DCTN6: variants seen among roughly 807,000 people sequenced by gnomAD.
DCTN6 encodes the protein dynactin subunit 6, also known as dynactin 6.
Under a neutral mutation model 25.8 loss-of-function variants are expected in DCTN6, and 15 were observed. The observed-to-expected ratio is 0.58, with a 90% confidence interval of 0.39 to 0.89. DCTN6 has a LOEUF of 0.89. Among genes scored for constraint, DCTN6 ranks in the 40% least tolerant of loss-of-function variants. DCTN6 has a pLI of 0.00. For missense variants in DCTN6, 198 were observed against 237.6 expected (o/e 0.83, Z 1.09); for synonymous variants, 64 against 78.3 (o/e 0.82, Z 0.96).
chr8:30,163,560 T>C (rs976068686), intron 1 of DCTN6, among the ~76,000 whole-genome samples: 26 of 152,220 alleles, frequency 1.7e-4, no homozygotes, highest in African/African-American at 2.7e-4. Flanking sequence ...AGAAACGTGC[T>C]GCTATTAAAA....
intron 5 of DCTN6, 31 bp from the exon 6 acceptor site, chr8:30,180,457 A>G (rs1803896523): frequency 6.3e-7 from 1 of 1,599,950 alleles, no homozygotes; most frequent in Non-Finnish European, 8.5e-7. Flanking sequence ...TGATGTCTTA[A>G]GTTGCAGTTC....
chr8:30,172,908 T>TA (rs1237702061), intron 2 of DCTN6, among the ~76,000 whole-genome samples: 8 of 152,208 alleles, frequency 5.3e-5, no homozygotes, highest in African/African-American at 1.9e-4. Context: ...TGCATATATA[T>TA]TTTTTGTTTG....
At chr8:30,177,664 C>T (rs1209975257) in intron 4 of DCTN6, among the ~76,000 whole-genome samples, 1 of 151,978 alleles carries the variant, frequency 6.6e-6, no homozygotes, top group East Asian at 1.9e-4. Flanking sequence ...TTGCAGTGAG[C>T]CAAGATTGTG....
intron 6 of DCTN6, among the ~76,000 whole-genome samples, chr8:30,181,239 A>G (rs971945624): frequency 6.6e-6 from 1 of 152,216 alleles, no homozygotes; most frequent in Non-Finnish European, 1.5e-5. Flanking sequence ...GACAATGCAT[A>G]AACAAACTGT....
intron 4 of DCTN6, among the ~76,000 whole-genome samples, chr8:30,178,471 A>T (rs1455397527): frequency 4.8e-5 from 5 of 103,766 alleles, no homozygotes; most frequent in South Asian, 7.1e-4. Context: ...CAAAAAGATT[A>T]AAAAAAAAAA....
Position 30,156,369 on chromosome 8 carries a change from A to C in DCTN6, c.-15A>C, listed in dbSNP as rs1803524723. Reference sequence around the variant, plus strand: ...AGGCGGTGGTGTCGATCTACGTTCCAATTGGGGCCGTACCATGGCGGAGAA... The same window carrying C: ...AGGCGGTGGTGTCGATCTACGTTCCCATTGGGGCCGTACCATGGCGGAGAA... On this transcript the variant is annotated 5_prime_UTR_variant, in exon 1 of 7. Transcript: ENST00000221114. 1 of 1,602,156 alleles carries C rather than the reference A, an allele frequency of 6.2e-7. No individual in the cohort carries two copies. Among genetic ancestry groups the C allele is most frequent in the Non-Finnish European group, 8.5e-7 (1 of 1,174,550 alleles).
chr8:30,177,648 C>G (rs1260605265), intron 4 of DCTN6, among the ~76,000 whole-genome samples: 1 of 152,002 alleles, frequency 6.6e-6, no homozygotes, highest in Non-Finnish European at 1.5e-5. Context: ...ACTCGGGAGG[C>G]AGAGGTTGCA....
intron 3 of DCTN6, 105 bp from the exon 4 acceptor site, chr8:30,177,021 C>A: frequency 1.3e-6 from 1 of 774,248 alleles, no homozygotes; most frequent in Non-Finnish European, 2.2e-6. Context: ...GTCTTTTAAG[C>A]TTGATGTAGG....
At chr8:30,169,582 G>A (rs10096097) in intron 2 of DCTN6, among the ~76,000 whole-genome samples, 93,963 of 152,068 alleles carry the variant, frequency 0.62, 30,707 homozygotes, top group Middle Eastern at 0.76. Flanking sequence ...CAGAAGGAGC[G>A]CCAGGGTTCA....
intron 2 of DCTN6, among the ~76,000 whole-genome samples, chr8:30,167,382 G>T (rs550690654): frequency 6.6e-6 from 1 of 152,288 alleles, no homozygotes; most frequent in African/African-American, 2.4e-5. Context: ...GTCTTGTTCT[G>T]TTGGGCAGGC....
At chr8:30,157,304 TAG>T (rs1432263877) in intron 1 of DCTN6, among the ~76,000 whole-genome samples, 8 of 152,362 alleles carry the variant, frequency 5.3e-5, no homozygotes, top group Middle Eastern at 3.4e-3. Flanking sequence ...TTCCATCGTA[TAG>T]ATACACCACA....
intron 1 of DCTN6, among the ~76,000 whole-genome samples, chr8:30,158,969 A>G (rs1337691299): frequency 6.6e-6 from 1 of 151,862 alleles, no homozygotes; most frequent in Non-Finnish European, 1.5e-5. Context: ...TTTAGTAGAG[A>G]TGGGGTTTCA....
At chr8:30,162,878 T>G (rs1441598887) in intron 1 of DCTN6, among the ~76,000 whole-genome samples, 1 of 152,242 alleles carries the variant, frequency 6.6e-6, no homozygotes, top group Admixed American at 6.5e-5. Context: ...TTAAATAGTT[T>G]GAATGTATAT....
intron 2 of DCTN6, among the ~76,000 whole-genome samples, chr8:30,174,415 C>T (rs1406124667): frequency 6.6e-6 from 1 of 151,964 alleles, no homozygotes; most frequent in Non-Finnish European, 1.5e-5. Context: ...TCACTGTAGC[C>T]TTTGCTTCCT....
intron 2 of DCTN6, among the ~76,000 whole-genome samples, chr8:30,170,232 C>G (rs1400578350): frequency 6.6e-6 from 1 of 151,734 alleles, no homozygotes; most frequent in Non-Finnish European, 1.5e-5. Flanking sequence ...CTGAAGTACG[C>G]TTATGCTAAC....
At chr8:30,167,015 CAGAA>C (rs1435222511) in intron 2 of DCTN6, among the ~76,000 whole-genome samples, 10 of 122,864 alleles carry the variant, frequency 8.1e-5, no homozygotes, top group South Asian at 2.5e-4. Flanking sequence ...GGAAAAGAGA[CAGAA>C]AGAAGGAGAG....
intron 1 of DCTN6, among the ~76,000 whole-genome samples, chr8:30,162,601 T>C (rs549769835): frequency 6.6e-6 from 1 of 152,226 alleles, no homozygotes; most frequent in Non-Finnish European, 1.5e-5. Context: ...AATGGAGAAG[T>C]CATTTGATGT....
chr8:30,157,308 T>C (rs1803539273), intron 1 of DCTN6, among the ~76,000 whole-genome samples: 1 of 152,230 alleles, frequency 6.6e-6, no homozygotes, highest in East Asian at 1.9e-4. Context: ...ATCGTATAGA[T>C]ACACCACATT....
At chr8:30,159,293 C>A (rs2117573281) in intron 1 of DCTN6, among the ~76,000 whole-genome samples, 1 of 151,812 alleles carries the variant, frequency 6.6e-6, no homozygotes, top group African/African-American at 2.4e-5. Flanking sequence ...TTTAAAAATT[C>A]ATGGCGGTGT....
Sources: allele counts gnomAD v4.1 joint callset (sites outside exome capture counted in the v4.1 genomes callset), GRCh38; gene constraint gnomAD v4.1.1; transcripts MANE v1.5; gene names NCBI Gene and HGNC (gene_info 2026-07-23, HGNC 2026-07-21).